DNAH10: variants seen among roughly 807,000 people sequenced by gnomAD.
DNAH10 encodes the protein axonemal beta dynein heavy chain 10.
DNAH10 carries 348 observed loss-of-function variants against 506.6 expected under a neutral mutation model. The observed-to-expected ratio is 0.69, with a 90% CI of 0.63 to 0.75. The LOEUF (loss-of-function observed/expected upper bound fraction) is 0.75. Among genes scored for constraint, DNAH10 ranks in the 30% least tolerant of loss-of-function variants. DNAH10 has a pLI of 0.00. For missense variants in DNAH10, 5,179 were observed against 5,787.1 expected (o/e 0.89, Z 3.41); for synonymous variants, 2,059 against 2,198.6 (o/e 0.94, Z 1.78).
chr12:123,835,458 G>A lies in DNAH10; in HGVS notation c.4832G>A (p.Gly1611Asp), dbSNP rs775663506. The change falls in exon 28 of 79, where the codon GGT becomes GAT. Residue 1611 changes from glycine (G) to aspartate (D), a missense_variant. By Grantham distance (94) the Gly-to-Asp change is moderately conservative. Transcript: ENST00000673944. ...ATGTATCTTGAAAGTATTTTTATTG[G>A]TGGAGATATAAGATCACAACTTCCG... ...KWMYLESIFI[G>D]GDIRSQLPEE... 3.7e-6 allele frequency: 6 copies of A among 1,609,310 alleles called. No individual in the cohort carries two copies. In the Admixed American group the frequency reaches 6.7e-5, roughly 18 times the overall value.
intron 21 of DNAH10, among the ~76,000 whole-genome samples, chr12:123,817,922 C>G (rs1031706604): frequency 6.6e-6 from 1 of 150,684 alleles, no homozygotes; most frequent in Admixed American, 6.6e-5. Flanking sequence ...GGGCTTATCT[C>G]TCTGTAATAT....
intron 37 of DNAH10, among the ~76,000 whole-genome samples, chr12:123,858,324 G>C (rs1425437523): frequency 6.6e-6 from 1 of 152,168 alleles, no homozygotes; most frequent in Non-Finnish European, 1.5e-5. Flanking sequence ...AGACCTGGGG[G>C]GTTGCCTCGG....
intron 39 of DNAH10, 32 bp from the exon 40 acceptor site, chr12:123,864,563 A>T: frequency 6.2e-7 from 1 of 1,611,576 alleles, no homozygotes; most frequent in Non-Finnish European, 8.5e-7. Context: ...GCTCTCTAGG[A>T]CCCATGGCTC....
chr12:123,898,653 C>T lies in DNAH10; in HGVS notation c.9479C>T (p.Ala3160Val). 6.4e-7 allele frequency: 1 copy of T among 1,558,600 alleles called. No individual in the cohort carries two copies. The highest frequency in any genetic ancestry group is 8.7e-7 in the Non-Finnish European group (1 of 1,151,562). ...GAACATAGGTGCCCTCTTTCCTCAG[C>T]TCAGTGCAAGCGTCTGGATGGGGGA... ...LLDEKTQCNI[A>V]QCKRLDGGLD... Residue 3160 changes from alanine to valine, a missense_variant and splice_region_variant, in exon 56 of 79, where the codon GCT (alanine) becomes GTT (valine). Physicochemically the swap from Ala to Val is moderately conservative, Grantham distance 64. Around this residue, in one of 3 missense-constraint regions of DNAH10, gnomAD observed 4,844 missense variants for 5,430.5 expected, o/e 0.89. Transcript: ENST00000673944.
intron 72 of DNAH10, chr12:123,930,188 C>T (rs1955140989): frequency 1.9e-6 from 1 of 519,806 alleles, no homozygotes; most frequent in Non-Finnish European, 3.3e-6. Flanking sequence ...GGGCTTCTTA[C>T]TGCTTTGGGC....
chr12:123,769,563 G>A (rs985126603), intron 2 of DNAH10, among the ~76,000 whole-genome samples: 3 of 152,166 alleles, frequency 2.0e-5, no homozygotes, highest in East Asian at 1.9e-4. Context: ...TCTCGGCTTC[G>A]GAGCCCAGTA....
Position 123,871,609 on chromosome 12 carries a change from C to G in DNAH10, c.7785+7C>G. On this transcript the variant is annotated splice_region_variant and intron_variant, in intron 45 of 78. Coordinates refer to ENST00000673944, the MANE Select transcript of DNAH10 (RefSeq NM_001372106.1). ...TCTGAGTGAAGAAACTAACGTAAGT[C>G]ATTATTCATATGAATTATCTATTGC... The G allele has an allele frequency of 1.9e-6, 3 of 1,548,044 alleles. No homozygotes were observed. In the African/African-American group the frequency reaches 4.1e-5, roughly 21 times the overall value.
chr12:123,903,916 C>T lies in DNAH10; in HGVS notation c.9815+803C>T, dbSNP rs950577959. 1.3e-5 allele frequency among the ~76,000 whole-genome samples: 2 copies of T among 152,198 alleles called. No individual in the cohort carries two copies. Among genetic ancestry groups the T allele is most frequent in the South Asian group, 4.1e-4 (2 of 4,834 alleles). On this transcript the variant is annotated intron_variant, in intron 57 of 78. Transcript: ENST00000673944. This position sits in a 1 kb window ranked among gnomAD's most constrained non-coding sequence, Gnocchi z 4.6. ...TCCAGAAGGAGATCAGTCTTCCTGG[C>T]CCCACACACGGGTCTCGCAGCCGAG...
At chr12:123,892,103 G>A (rs896372239) in intron 52 of DNAH10, among the ~76,000 whole-genome samples, 9 of 152,244 alleles carry the variant, frequency 5.9e-5, no homozygotes, top group Non-Finnish European at 1.2e-4. Flanking sequence ...AGAATACGTT[G>A]CATACCCAAG....
rs998488200 is a variant in DNAH10 at position 123,817,510 on chromosome 12, T to A, written c.3781-1440T>A. Reference sequence around the variant, plus strand: ...TCCTTTGAGTGCTTGATTTCAGGTATTGTCATTATCCATTCCAGAATTTCC... The same window carrying A: ...TCCTTTGAGTGCTTGATTTCAGGTAATGTCATTATCCATTCCAGAATTTCC... On this transcript the variant is annotated intron_variant, in intron 21 of 78. Coordinates refer to ENST00000673944, the MANE Select transcript of DNAH10 (RefSeq NM_001372106.1). Among the ~76,000 whole-genome samples the A allele has an allele frequency of 2.0e-5, 3 of 152,358 alleles. No individual in the cohort carries two copies. The East Asian group carries it at 5.8e-4, about 29-fold the overall frequency.
intron 77 of DNAH10, 86 bp downstream of exon 77, chr12:123,933,597 C>A: frequency 6.8e-7 from 1 of 1,463,562 alleles, no homozygotes; most frequent in Non-Finnish European, 9.1e-7. Flanking sequence ...ACAGGCATAG[C>A]GTGGGCCTAA....
intron 2 of DNAH10, among the ~76,000 whole-genome samples, chr12:123,771,016 C>T (rs1957234620): frequency 6.8e-6 from 1 of 147,534 alleles, no homozygotes. Flanking sequence ...GCTCTGCCAC[C>T]CAGGCTGCAG....
Position 123,916,503 on chromosome 12 carries a change from C to A in DNAH10, c.10769C>A (p.Ser3590Tyr). 6.2e-7 allele frequency: 1 copy of A among 1,613,758 alleles called. No individual in the cohort carries two copies. Among genetic ancestry groups the A allele is most frequent in the Non-Finnish European group, 8.5e-7 (1 of 1,179,794 alleles). Residue 3590 changes from serine (S) to tyrosine (Y), a missense_variant, in exon 63 of 79, where the codon TCC (serine) becomes TAC (tyrosine). Physicochemically the swap from Ser to Tyr is moderately radical, Grantham distance 144. Coordinates refer to ENST00000673944, the MANE Select transcript of DNAH10 (RefSeq NM_001372106.1). The surrounding 1 kb of genome is among the most constrained non-coding windows in gnomAD (Gnocchi z 4.6). ...DPDFLKQLEM[S>Y]IKYGTPFLFR... is the part of the protein sequence containing the mutation. ...GACTTCCTCAAGCAGCTAGAGATGT[C>A]CATAAAGTACGGGACCCCTTTCCTG...
At chr12:123,905,187 T>G (rs1953718340) in intron 57 of DNAH10, among the ~76,000 whole-genome samples, 1 of 152,248 alleles carries the variant, frequency 6.6e-6, no homozygotes, top group African/African-American at 2.4e-5. Context: ...TATGATGAAC[T>G]TCCCCGATAT....
At chr12:123,912,892 T>C (rs1291557769) in intron 59 of DNAH10, among the ~76,000 whole-genome samples, 4 of 152,338 alleles carry the variant, frequency 2.6e-5, no homozygotes, top group African/African-American at 7.2e-5. Context: ...ACTTGGGTGC[T>C]GTGTCTTCTA....
chr12:123,862,281 C>G (rs1951641476), intron 39 of DNAH10, among the ~76,000 whole-genome samples: 1 of 152,180 alleles, frequency 6.6e-6, no homozygotes, highest in Non-Finnish European at 1.5e-5. Flanking sequence ...CCCATTCACC[C>G]AATGGTTTGG....
At chr12:123,831,252 C>T (rs1960514884) in intron 26 of DNAH10, among the ~76,000 whole-genome samples, 1 of 145,950 alleles carries the variant, frequency 6.9e-6, no homozygotes, top group South Asian at 2.1e-4. Context: ...CTTAAAAATG[C>T]ATGCACACAT....
In DNAH10 at chr12:123,826,730, A is replaced by G. The variant is rs766297341; in HGVS notation, c.4223A>G (p.Asn1408Ser). 2.4e-5 allele frequency: 38 copies of G among 1,613,722 alleles called. No homozygotes were observed. In the East Asian group the frequency reaches 8.0e-4, roughly 34 times the overall value. ...EWSQTLWINL[N>S]VQILQEGIEG... ...TCTCAGACCCTTTGGATCAACCTGA[A>G]TGTGCAGATTCTCCAGGAAGGAATT... Residue 1408 changes from asparagine to serine, a missense_variant, in exon 25 of 79, where the codon AAT (asparagine) becomes AGT (serine). Asn to Ser is a conservative substitution (Grantham distance 46). Coordinates refer to ENST00000673944, the MANE Select transcript of DNAH10 (RefSeq NM_001372106.1).
chr12:123,920,624 C>T (rs1954681634), intron 65 of DNAH10, among the ~76,000 whole-genome samples: 1 of 152,196 alleles, frequency 6.6e-6, no homozygotes. Context: ...TCCTGAATAT[C>T]ATCATATTCA....
Sources: gnomAD v4.1 joint callset for allele counts (sites outside exome capture counted in the v4.1 genomes callset) on GRCh38, gnomAD v4.1.1 for gene constraint, gnomAD v4.1.1 regional missense constraint, Gnocchi (gnomAD v3.1) non-coding constraint, MANE v1.5 for transcripts, NCBI Gene and HGNC (gene_info 2026-07-23, HGNC 2026-07-21) for gene names.